CSGALNACT1: variants seen among roughly 807,000 people sequenced by gnomAD.
CSGALNACT1 encodes the protein chondroitin sulfate N-acetylgalactosaminyltransferase 1.
Under a neutral mutation model 51.0 loss-of-function variants are expected in CSGALNACT1, and 52 were observed. The observed-to-expected ratio is 1.02, with a 90% CI of 0.82 to 1.29. The LOEUF (loss-of-function observed/expected upper bound fraction) is 1.29. Ranked by LOEUF, CSGALNACT1 falls within the 50% of genes most tolerant of loss-of-function variation. The pLI is 0.00. For synonymous variants in CSGALNACT1, 341 were observed against 254.4 expected (o/e 1.34, Z -3.24); for missense variants, 935 against 679.2 (o/e 1.38, Z -4.19).
chr8:19,598,126 T>G (rs962155059), intron 2 of CSGALNACT1, among the ~76,000 whole-genome samples: 22 of 152,270 alleles, frequency 1.4e-4, no homozygotes, highest in Admixed American at 1.3e-3. Context: ...AAGCACAGGC[T>G]TGGAGGTAGA....
chr8:19,453,270 A>T (rs1230820144), intron 5 of CSGALNACT1, among the ~76,000 whole-genome samples: 2 of 152,202 alleles, frequency 1.3e-5, no homozygotes, highest in Non-Finnish European at 2.9e-5. Flanking sequence ...AAACAATAAA[A>T]CAACAGAATA....
At chr8:19,499,081 C>G (rs949142595) in intron 4 of CSGALNACT1, among the ~76,000 whole-genome samples, 2 of 152,214 alleles carry the variant, frequency 1.3e-5, no homozygotes, top group African/African-American at 4.8e-5. Flanking sequence ...TGCCACTGCA[C>G]TCCAGCCTGA....
At chr8:19,719,995 C>A (rs369797690) in intron 1 of CSGALNACT1, among the ~76,000 whole-genome samples, 1 of 152,182 alleles carries the variant, frequency 6.6e-6, no homozygotes, top group South Asian at 2.1e-4. Flanking sequence ...CTGGCTCATC[C>A]CTTTTGACCT....
At chr8:19,435,504 A>C (rs1365722011) in intron 6 of CSGALNACT1, among the ~76,000 whole-genome samples, 1 of 151,790 alleles carries the variant, frequency 6.6e-6, no homozygotes, top group African/African-American at 2.4e-5. Context: ...AAAAAAAAAA[A>C]AAATTCCTAT....
chr8:19,455,153 C>G (rs2063851548), intron 5 of CSGALNACT1, among the ~76,000 whole-genome samples: 1 of 152,144 alleles, frequency 6.6e-6, no homozygotes, highest in Admixed American at 6.5e-5. Flanking sequence ...ATTCCTCGTG[C>G]TGTTCTACAC....
intron 1 of CSGALNACT1, among the ~76,000 whole-genome samples, chr8:19,672,210 T>C (rs2059847811): frequency 6.6e-6 from 1 of 152,208 alleles, no homozygotes; most frequent in Non-Finnish European, 1.5e-5. Context: ...TGGAATTTCT[T>C]CGGCTTTCCC....
At chr8:19,718,955 A>G (rs1589678742) in intron 1 of CSGALNACT1, among the ~76,000 whole-genome samples, 1 of 152,122 alleles carries the variant, frequency 6.6e-6, no homozygotes, top group East Asian at 1.9e-4. Context: ...AAGATCTCTC[A>G]CCGTTGTAAA....
chr8:19,627,880 A>T (rs2054651473), intron 1 of CSGALNACT1, among the ~76,000 whole-genome samples: 1 of 152,212 alleles, frequency 6.6e-6, no homozygotes, highest in Admixed American at 6.5e-5. Context: ...TACAGTCAGT[A>T]GTTCAGTTAA....
At chr8:19,690,125 A>G (rs142050801) in intron 1 of CSGALNACT1, among the ~76,000 whole-genome samples, 1 of 152,352 alleles carries the variant, frequency 6.6e-6, no homozygotes, top group African/African-American at 2.4e-5. Flanking sequence ...TCTGGATAAA[A>G]CTTTTTTGGA....
intron 1 of CSGALNACT1, among the ~76,000 whole-genome samples, chr8:19,687,975 C>A (rs555957916): frequency 2.6e-5 from 4 of 152,196 alleles, no homozygotes; most frequent in Non-Finnish European, 1.5e-5. Flanking sequence ...CAGTTTCTTA[C>A]ATCCGTGTTG....
chr8:19,645,269 T>C lies in CSGALNACT1; in HGVS notation c.-544+37204A>G, dbSNP rs76320957. Among the ~76,000 whole-genome samples the C allele has an allele frequency of 1.9e-3, 295 of 152,324 alleles. 1 individual carries two copies. Among genetic ancestry groups the C allele is most frequent in the Non-Finnish European group, 3.7e-3 (250 of 68,032 alleles). ...GAAAAATGAGTAACTTTAGGCAGCA[T>C]GATGCAACGGTATTAACATACAACA... On this transcript the variant is annotated intron_variant, in intron 1 of 9. Coordinates refer to the CSGALNACT1 transcript ENST00000332246.
At chr8:19,709,186 C>T (rs1301589237) in intron 1 of CSGALNACT1, among the ~76,000 whole-genome samples, 1 of 152,170 alleles carries the variant, frequency 6.6e-6, no homozygotes, top group Non-Finnish European at 1.5e-5. Flanking sequence ...GAGGTGGGTA[C>T]AGCTATGCTG....
intron 4 of CSGALNACT1, among the ~76,000 whole-genome samples, chr8:19,500,743 T>C (rs960027750): frequency 6.6e-6 from 1 of 152,238 alleles, no homozygotes; most frequent in African/African-American, 2.4e-5. Flanking sequence ...TCCCTGTGTC[T>C]TTGCTTTAAA....
chr8:19,571,634 G>T (rs6998022), intron 3 of CSGALNACT1, among the ~76,000 whole-genome samples: 2 of 151,990 alleles, frequency 1.3e-5, no homozygotes, highest in South Asian at 4.1e-4. Flanking sequence ...CTGGATGAAA[G>T]TTACCAATAT....
upstream of CSGALNACT1, chr8:19,683,033 G>C: frequency 3.8e-6 from 1 of 259,928 alleles, no homozygotes; most frequent in Admixed American, 4.7e-5. Flanking sequence ...TGACCCTGGA[G>C]ACCGTGATTT....
chr8:19,540,319 G>A (rs1174024986), intron 3 of CSGALNACT1, among the ~76,000 whole-genome samples: 1 of 152,130 alleles, frequency 6.6e-6, no homozygotes, highest in African/African-American at 2.4e-5. Flanking sequence ...ATGGTAACAT[G>A]GAAAACAGTA....
At chr8:19,706,646 C>G (rs1178889085) in intron 1 of CSGALNACT1, among the ~76,000 whole-genome samples, 1 of 152,080 alleles carries the variant, frequency 6.6e-6, no homozygotes, top group East Asian at 1.9e-4. Flanking sequence ...GGATACCTAC[C>G]AGAGCATCTG....
At chr8:19,473,410 C>T (rs540910170) in intron 4 of CSGALNACT1, among the ~76,000 whole-genome samples, 2 of 152,292 alleles carry the variant, frequency 1.3e-5, no homozygotes, top group African/African-American at 2.4e-5. Context: ...ATAACACCTA[C>T]ATCACCATCC....
At chr8:19,478,333 C>T (rs370106240) in intron 4 of CSGALNACT1, among the ~76,000 whole-genome samples, 1 of 148,506 alleles carries the variant, frequency 6.7e-6, no homozygotes, top group Admixed American at 6.8e-5. Context: ...AGAATGGCCT[C>T]AACCCAGGAG....
Sources: allele counts gnomAD v4.1 joint callset (sites outside exome capture counted in the v4.1 genomes callset), GRCh38; gene constraint gnomAD v4.1.1; transcripts MANE v1.5; gene names NCBI Gene and HGNC (gene_info 2026-07-23, HGNC 2026-07-21).